Variants in TNNI3K observed in about 807,000 individuals in gnomAD.
TNNI3K encodes the protein serine/threonine-protein kinase TNNI3K.
A neutral mutation model predicts 114.5 loss-of-function variants in TNNI3K; 140 were observed. The ratio of observed to expected loss-of-function variants is 1.22; its 90% CI spans 1.07 to 1.41. TNNI3K has a LOEUF of 1.41. Ranked by LOEUF, TNNI3K falls within the 40% of genes most tolerant of loss-of-function variation. The pLI is 0.00. For missense variants in TNNI3K, 1,125 were observed against 1,007.6 expected, an observed-to-expected ratio of 1.12 and a Z score of -1.58; for synonymous variants, 347 against 347.5, an observed-to-expected ratio of 1.00 and a Z score of 0.02.
rs188373424 is a variant in TNNI3K, at chr1:74,278,673, G to A, written c.444+6965G>A. 3.8e-3 allele frequency among the ~76,000 whole-genome samples: 571 copies of A among 152,114 alleles called. 4 individuals are homozygous for A. Among genetic ancestry groups the A allele is most frequent in the African/African-American group, 0.013 (547 of 41,492 alleles). ...CACTTCAATGGTTTTTAGTATAGTT[G>A]CAGAGTTGTGTAATCATCACCAAAA... On this transcript the variant is annotated intron_variant, in intron 5 of 24. Transcript: ENST00000326637.
At chr1:74,466,461 G>T (rs189240754) in intron 21 of TNNI3K, among the ~76,000 whole-genome samples, 48 of 152,206 alleles carry the variant, frequency 3.2e-4, no homozygotes, top group African/African-American at 8.2e-4. Flanking sequence ...ATGGCCAAAG[G>T]ATACTGTTAA....
At chr1:74,523,191 C>T (rs45493493) in intron 23 of TNNI3K, among the ~76,000 whole-genome samples, 1 of 152,180 alleles carries the variant, frequency 6.6e-6, no homozygotes, top group East Asian at 1.9e-4. Context: ...ACCGATACCA[C>T]ACAGTTGCTG....
At chr1:74,511,138 T>C (rs1670194976) in intron 23 of TNNI3K, among the ~76,000 whole-genome samples, 1 of 151,522 alleles carries the variant, frequency 6.6e-6, no homozygotes, top group Admixed American at 6.6e-5. Context: ...AGGTGATCCA[T>C]CCGCCTTGGC....
At chr1:74,539,097 A>G (rs1646695297) in intron 23 of TNNI3K, among the ~76,000 whole-genome samples, 1 of 152,164 alleles carries the variant, frequency 6.6e-6, no homozygotes, top group Non-Finnish European at 1.5e-5. Context: ...TAGATGGCAA[A>G]CTGCAAAAGC....
At chr1:74,422,094 G>A (rs2100637268) in intron 17 of TNNI3K, among the ~76,000 whole-genome samples, 1 of 151,650 alleles carries the variant, frequency 6.6e-6, no homozygotes, top group South Asian at 2.1e-4. Flanking sequence ...CTCACTCACA[G>A]CCTTTAGAGC....
intron 21 of TNNI3K, among the ~76,000 whole-genome samples, chr1:74,472,878 G>A (rs1668006170): frequency 1.3e-5 from 2 of 151,962 alleles, no homozygotes; most frequent in Non-Finnish European, 2.9e-5. Context: ...TCTTCTGCTA[G>A]CTTCTTTTAA....
At chr1:74,436,600 A>T in intron 19 of TNNI3K, 74 bp downstream of exon 19, 1 of 1,474,724 alleles carries the variant, frequency 6.8e-7, no homozygotes, top group Non-Finnish European at 9.1e-7. Flanking sequence ...AGGACGTAAG[A>T]TGAGAGCAGT....
At chr1:74,241,189 T>G (rs1654179668) in intron 2 of TNNI3K, among the ~76,000 whole-genome samples, 2 of 152,234 alleles carry the variant, frequency 1.3e-5, no homozygotes, top group South Asian at 4.1e-4. Context: ...ACATTTGGGT[T>G]GGTGCTTAGT....
chr1:74,372,833 T>C (rs981838039), intron 17 of TNNI3K: 1 of 151,912 alleles, frequency 6.6e-6, no homozygotes, highest in Admixed American at 6.6e-5. Flanking sequence ...AATATAAATG[T>C]TGATTAAAAT....
At chr1:74,336,992 C>T (rs2100428000) in intron 7 of TNNI3K, among the ~76,000 whole-genome samples, 1 of 151,522 alleles carries the variant, frequency 6.6e-6, no homozygotes, top group East Asian at 2.0e-4. Flanking sequence ...CCTATTTCTC[C>T]ACATCCTCTC....
intron 7 of TNNI3K, among the ~76,000 whole-genome samples, chr1:74,342,263 G>A (rs949462156): frequency 2.6e-5 from 4 of 152,148 alleles, no homozygotes; most frequent in African/African-American, 9.7e-5. Flanking sequence ...TAAATAACCT[G>A]TCTAAAGTAA....
chr1:74,498,539 TA>T (rs1313230068), intron 23 of TNNI3K, among the ~76,000 whole-genome samples: 2 of 152,204 alleles, frequency 1.3e-5, no homozygotes, highest in Non-Finnish European at 2.9e-5. Context: ...GAATATTAAA[TA>T]TTTTTATTTA....
chr1:74,466,051 C>G (rs1408669702), intron 21 of TNNI3K, among the ~76,000 whole-genome samples: 2 of 152,132 alleles, frequency 1.3e-5, no homozygotes, highest in Non-Finnish European at 2.9e-5. Flanking sequence ...TAACACTGAC[C>G]CCGAAGGTCT....
intron 5 of TNNI3K, among the ~76,000 whole-genome samples, chr1:74,310,694 C>T (rs1365530309): frequency 6.6e-6 from 1 of 152,066 alleles, no homozygotes; most frequent in East Asian, 1.9e-4. Context: ...AAGCTTTTTT[C>T]TTTAAATGCA....
intron 4 of TNNI3K, among the ~76,000 whole-genome samples, chr1:74,263,185 T>C (rs2100875539): frequency 6.6e-6 from 1 of 152,198 alleles, no homozygotes; most frequent in Non-Finnish European, 1.5e-5. Context: ...TGTAAAAATG[T>C]AGACCCATTA....
intron 17 of TNNI3K, among the ~76,000 whole-genome samples, chr1:74,399,156 TAAAAAAAAAAAAA>T (rs1234711047): frequency 1.3e-5 from 1 of 76,804 alleles, no homozygotes; most frequent in Non-Finnish European, 2.6e-5. Flanking sequence ...CAAAACCCAT[TAAAAAAAAAAAAA>T]AAAAAAAAAA....
chr1:74,350,385 C>T (rs560608284), intron 9 of TNNI3K, among the ~76,000 whole-genome samples: 8 of 152,210 alleles, frequency 5.3e-5, no homozygotes, highest in African/African-American at 1.9e-4. Context: ...GCTTTACTTC[C>T]AACTATGTGG....
intron 20 of TNNI3K, among the ~76,000 whole-genome samples, chr1:74,451,702 T>C (rs1667021725): frequency 1.5e-5 from 1 of 66,588 alleles, no homozygotes; most frequent in East Asian, 4.0e-4. Context: ...TTTCTTTCTT[T>C]CTTTCTTTCT....
chr1:74,436,095 CT>C lies in TNNI3K; in HGVS notation c.1789del (p.Tyr597MetfsTer25). ...TTTTTTACAGTCACAATATTCTTCT[CT>C]ATGAGGATGGGCATGCTGTGGTGGC... ...RDLNSHNILL[Y>X]EDGHAVVADF... On this transcript the variant is annotated frameshift_variant, in exon 18 of 25. Transcript: ENST00000326637. LOFTEE classifies it high-confidence loss of function. 6.4e-7 allele frequency: 1 copy of C among 1,573,562 alleles called. No homozygotes were observed. The highest frequency in any genetic ancestry group is 8.6e-7 in the Non-Finnish European group (1 of 1,164,790).
Sources: gnomAD v4.1 joint callset for allele counts (sites outside exome capture counted in the v4.1 genomes callset) on GRCh38, gnomAD v4.1.1 for gene constraint, MANE v1.5 for transcripts, NCBI Gene and HGNC (gene_info 2026-07-23, HGNC 2026-07-21) for gene names.